Variants in ALS2 observed in about 807,000 individuals in gnomAD.
The protein encoded by ALS2 is alsin Rho guanine nucleotide exchange factor ALS2.
ALS2 carries 117 observed loss-of-function variants against 203.4 expected under a neutral mutation model. The observed-to-expected ratio is 0.58, with a 90% confidence interval of 0.50 to 0.67. The LOEUF (loss-of-function observed/expected upper bound fraction) is 0.67, where lower values mean the gene tolerates loss of function less well. ALS2 is among the 30% of genes least tolerant of loss of function. ALS2 has a pLI of 0.00. For missense variants in ALS2, 1,715 were observed against 1,989.4 expected, an observed-to-expected ratio of 0.86 and a Z score of 2.62; for synonymous variants, 718 against 725.9, an observed-to-expected ratio of 0.99 and a Z score of 0.17.
In ALS2 at chr2:201,757,709, G is replaced by A. The variant is rs372566343; in HGVS notation, c.1164C>T (p.Ser388=). ...IPNLHSPPTT[S]TSALNSLVVS... is the part of the protein sequence containing the mutation. ...CCACCAGGCTGTTTAGGGCTGAGGT[G>A]CTTGTGGTAGGCGGGCTGTGGAGAT... Residue 388 remains serine (S), a synonymous_variant, in exon 5 of 34, where the codon AGC becomes AGT. Transcript: ENST00000264276. The A allele has an allele frequency of 1.1e-4, 181 of 1,613,344 alleles. No homozygotes were observed. Among genetic ancestry groups the A allele is most frequent in the Admixed American group, 6.8e-4 (41 of 59,998 alleles).
At chr2:201,709,774 G>A in intron 27 of ALS2, 107 bp downstream of exon 27, 1 of 1,350,228 alleles carries the variant, frequency 7.4e-7, no homozygotes, top group Non-Finnish European at 1.1e-6. Context: ...TCTATTAAAG[G>A]ACTGTGGCAT....
At chr2:201,758,575 T>G (rs893776640) in intron 4 of ALS2, among the ~76,000 whole-genome samples, 9 of 152,130 alleles carry the variant, frequency 5.9e-5, no homozygotes, top group East Asian at 3.8e-4. Context: ...CTGTCAAACA[T>G]CATTGTTCCC....
intron 14 of ALS2, 122 bp from the exon 15 acceptor site, chr2:201,728,762 G>A: frequency 2.4e-6 from 3 of 1,240,052 alleles, no homozygotes; most frequent in African/African-American, 3.0e-5. Flanking sequence ...TTAGCTTGGT[G>A]TAAAATCTAA....
At chr2:201,715,878 T>C (rs763998239) in intron 24 of ALS2, 39 bp from the exon 25 acceptor site, 1 of 1,611,928 alleles carries the variant, frequency 6.2e-7, no homozygotes, top group East Asian at 2.2e-5. Flanking sequence ...ATCATTTCTT[T>C]TGTGCAAAAT....
chr2:201,706,700 C>T (rs1282043738), intron 29 of ALS2, 146 bp downstream of exon 29: 3 of 728,006 alleles, frequency 4.1e-6, no homozygotes, highest in South Asian at 3.6e-5. Flanking sequence ...AGATTATTAA[C>T]TATCACTATT....
At chr2:201,708,116 G>A in intron 27 of ALS2, 125 bp from the exon 28 acceptor site, 1 of 808,364 alleles carries the variant, frequency 1.2e-6, no homozygotes, top group Non-Finnish European at 2.0e-6. Flanking sequence ...AGTTCCCTGA[G>A]AAAACTGATG....
At chr2:201,724,497 T>G in intron 20 of ALS2, 38 bp from the exon 21 acceptor site, 1 of 1,605,888 alleles carries the variant, frequency 6.2e-7, no homozygotes, top group Non-Finnish European at 8.5e-7. Flanking sequence ...CACATGCACA[T>G]TGAATTCTGA....
In ALS2 at chr2:201,709,757, T is replaced by C. The variant is rs1291514306; in HGVS notation, c.4280+124A>G. 6 of 1,177,030 alleles carry C rather than the reference T, an allele frequency of 5.1e-6. No individual in the cohort carries two copies. In the Admixed American group the frequency reaches 8.5e-5, roughly 17 times the overall value. The allele number at this position is 1,177,030 out of a possible 1,614,324, so 72.9% of individuals were successfully genotyped here. ...TTACACATACATTTAAAACATGTTT[T>C]ACTTAATCTATTAAAGGACTGTGGC... On this transcript the variant is annotated intron_variant, in intron 27 of 33. Transcript: ENST00000264276.
intron 32 of ALS2, 93 bp downstream of exon 32, chr2:201,704,360 TG>T (rs1264685586): frequency 6.5e-7 from 1 of 1,537,346 alleles, no homozygotes; most frequent in African/African-American, 1.4e-5. Flanking sequence ...TTTTTTCTAG[TG>T]GAAGAGCGTA....
chr2:201,743,935 G>A (rs1214662760), intron 10 of ALS2, among the ~76,000 whole-genome samples: 4 of 152,194 alleles, frequency 2.6e-5, no homozygotes, highest in Non-Finnish European at 4.4e-5. Context: ...AGGGGGAGAA[G>A]TGTTGTTTGG....
At chr2:201,777,390 A>G (rs1694707954) in intron 1 of ALS2, among the ~76,000 whole-genome samples, 1 of 152,122 alleles carries the variant, frequency 6.6e-6, no homozygotes, top group South Asian at 2.1e-4. Flanking sequence ...ATTGCAGGGA[A>G]AGAAGAGTTC....
At chr2:201,710,148 G>A (rs1480420751) in intron 26 of ALS2, 110 bp from the exon 27 acceptor site, 6 of 1,320,652 alleles carry the variant, frequency 4.5e-6, no homozygotes, top group Non-Finnish European at 6.4e-6. Flanking sequence ...AATGTCAAGA[G>A]TCAATTTTGG....
At chr2:201,726,639 A>C in intron 18 of ALS2, 25 bp downstream of exon 18, 1 of 1,612,456 alleles carries the variant, frequency 6.2e-7, no homozygotes, top group Non-Finnish European at 8.5e-7. Context: ...TCCTCACCCC[A>C]GGCATAAATC....
At chr2:201,759,469 AAATTT>A (rs1208780068) in intron 4 of ALS2, 4 of 947,950 alleles carry the variant, frequency 4.2e-6, no homozygotes, top group East Asian at 1.2e-4. Context: ...TAAATAAATT[AAATTT>A]AATTCAATAG....
rs201496655 is a variant in ALS2, at chr2:201,749,722, C to T, written c.1805G>A (p.Arg602His). 1.7e-5 allele frequency: 28 copies of T among 1,613,706 alleles called. No homozygotes were observed. Among genetic ancestry groups the T allele is most frequent in the African/African-American group, 2.7e-5 (2 of 75,004 alleles). Residue 602 changes from arginine to histidine, a missense_variant, in exon 8 of 34, where the codon CGT becomes CAT. This residue lies in a region of ALS2 where 1,227 missense variants were observed against 1,413.5 expected (regional missense o/e 0.87). Coordinates refer to ENST00000264276, the MANE Select transcript of ALS2 (RefSeq NM_020919.4). ...AGTTCACAAAAGTACCTTTGCAAGACGAGGAACTGTTGTTGGAAAATCGGA... is the reference window on the plus strand; with the variant it reads ...AGTTCACAAAAGTACCTTTGCAAGATGAGGAACTGTTGTTGGAAAATCGGA... Reference protein sequence around the residue: ...GHSDFPTTVPRLAKISSENGV... With the variant: ...GHSDFPTTVPHLAKISSENGV...
chr2:201,707,789 A>ACTTTCTC, intron 28 of ALS2, 80 bp downstream of exon 28: 1 of 1,556,358 alleles, frequency 6.4e-7, no homozygotes, highest in South Asian at 1.1e-5. Flanking sequence ...TAGAGAACAC[A>ACTTTCTC]CTTTCTCGCT....
At position 201,748,913 on chromosome 2, in the gene ALS2, G is replaced by A. The variant is rs923224629; in HGVS notation, c.1815+799C>T. Among the ~76,000 whole-genome samples the A allele has an allele frequency of 2.6e-5, 4 of 152,236 alleles. 1 individual carries two copies. Among genetic ancestry groups the A allele is most frequent in the South Asian group, 4.1e-4 (2 of 4,820 alleles). On this transcript the variant is annotated intron_variant, in intron 8 of 33. Coordinates refer to ENST00000264276, the MANE Select transcript of ALS2 (RefSeq NM_020919.4). ...TTCAAATCATATTCCTAAAATTGACGTAATTGCCCTTCTTTAATCTCCATT... is the reference window on the plus strand; with the variant it reads ...TTCAAATCATATTCCTAAAATTGACATAATTGCCCTTCTTTAATCTCCATT...
chr2:201,723,418 C>T lies in ALS2; in HGVS notation c.3536G>A (p.Trp1179Ter). Residue 1179 changes from tryptophan (W) to a stop codon, truncating the protein, a stop_gained, in exon 22 of 34, where the codon TGG (tryptophan) becomes TAG (stop). Transcript: ENST00000264276. LOFTEE classifies it high-confidence loss of function. The stretch of plus-strand genomic sequence containing the variant: ...ATTCCCTTGACACACATCATCTTGC[C>T]ACATTCCCATATACTTTTCCCCCCT... ...ITRGEKYMGM[W>*]QDDVCQGNGV... The T allele has an allele frequency of 6.2e-7, 1 of 1,614,044 alleles. No individual in the cohort carries two copies. Among genetic ancestry groups the T allele is most frequent in the Non-Finnish European group, 8.5e-7 (1 of 1,179,934 alleles).
intron 4 of ALS2, among the ~76,000 whole-genome samples, chr2:201,759,154 A>G (rs1306201852): frequency 6.6e-6 from 1 of 152,146 alleles, no homozygotes; most frequent in Non-Finnish European, 1.5e-5. Context: ...ACAAAACTCT[A>G]CCTTATATAA....
Sources: gnomAD v4.1 joint callset for allele counts (sites outside exome capture counted in the v4.1 genomes callset) on GRCh38, gnomAD v4.1.1 for gene constraint, gnomAD v4.1.1 regional missense constraint, MANE v1.5 for transcripts, NCBI Gene and HGNC (gene_info 2026-07-23, HGNC 2026-07-21) for gene names.